ZPLD1: variants seen among roughly 807,000 people sequenced by gnomAD.
ZPLD1 encodes the protein zona pellucida like domain containing 1.
ZPLD1 carries 34 observed loss-of-function variants against 47.2 expected under a neutral mutation model. That is an observed-to-expected ratio of 0.72 (90% CI 0.55 to 0.96). The LOEUF (loss-of-function observed/expected upper bound fraction) is 0.96, where lower values mean the gene tolerates loss of function less well. ZPLD1 is among the 40% of genes least tolerant of loss of function. The pLI is 0.00. For synonymous variants in ZPLD1, 176 were observed against 186.2 expected (o/e 0.95, Z 0.45); for missense variants, 512 against 505.8 (o/e 1.01, Z -0.12).
intron 9 of ZPLD1, among the ~76,000 whole-genome samples, chr3:102,469,525 G>A (rs1707650017): frequency 6.6e-6 from 1 of 152,222 alleles, no homozygotes; most frequent in South Asian, 2.1e-4. Context: ...ATGAACTCCA[G>A]CTGTTACTTC....
rs1707207750 is a variant in ZPLD1 at position 102,443,195 on chromosome 3, A to T, written c.106+4602A>T. On this transcript the variant is annotated intron_variant, in intron 3 of 11. Transcript: ENST00000466937. The stretch of plus-strand genomic sequence containing the variant: ...AAACTTTATGGCTTGACACTGTCTT[A>T]TGGTGAACTAAGTAGTCATGGGAAA... Among the ~76,000 whole-genome samples the T allele has an allele frequency of 3.3e-5, 5 of 152,292 alleles. No homozygotes were observed. The South Asian group carries it at 1.0e-3, about 32-fold the overall frequency.
intron 3 of ZPLD1, among the ~76,000 whole-genome samples, chr3:102,452,434 A>G (rs1707352457): frequency 6.6e-6 from 1 of 152,122 alleles, no homozygotes; most frequent in Non-Finnish European, 1.5e-5. Flanking sequence ...TACAACCCAT[A>G]AGATGGGTTA....
rs1468076728 is a variant in ZPLD1, at chr3:102,477,447, T to C, written c.1077T>C (p.Ser359=). ...GGTGTGTTTTATTATTTGCAGGTTC[T>C]CCAAGTATGCCTCCCTTCCAGCTGA... is the stretch of plus-strand genomic sequence containing the variant. ...ETPTNNSQLG[S]PSMPPFQLNA... Residue 359 remains serine (S), a synonymous_variant, in exon 12 of 12, where the codon TCT becomes TCC. Coordinates refer to ENST00000466937, the MANE Select transcript of ZPLD1 (RefSeq NM_001329788.2). 6.2e-7 allele frequency: 1 copy of C among 1,611,526 alleles called. No individual in the cohort carries two copies. The highest frequency in any genetic ancestry group is 8.5e-7 in the Non-Finnish European group (1 of 1,178,992).
At chr3:102,474,557 G>A (rs950143160) in intron 10 of ZPLD1, among the ~76,000 whole-genome samples, 1 of 152,010 alleles carries the variant, frequency 6.6e-6, no homozygotes, top group African/African-American at 2.4e-5. Context: ...TTATTAATTT[G>A]AGATGTGTGG....
intron 6 of ZPLD1, among the ~76,000 whole-genome samples, chr3:102,390,244 G>A (rs189091215): frequency 6.6e-5 from 10 of 152,192 alleles, no homozygotes; most frequent in Non-Finnish European, 1.2e-4. Context: ...AACACACAGC[G>A]TGCTTTCTAC....
In ZPLD1 at chr3:102,471,845, A is replaced by AT. The variant is rs940760864; in HGVS notation, c.1042+1349dup. Among the ~76,000 whole-genome samples, 5 of 152,276 alleles carry AT rather than the reference A, an allele frequency of 3.3e-5. 1 individual carries two copies. The highest frequency in any genetic ancestry group is 3.4e-3 in the Middle Eastern group (1 of 294). The stretch of plus-strand genomic sequence containing the variant: ...TCATTTTTAAAATAAAAGTTTTAAG[A>AT]TTTTTTCTAACACTGTAGTTCTAAA... On this transcript the variant is annotated intron_variant, in intron 10 of 11. Coordinates refer to ENST00000466937, the MANE Select transcript of ZPLD1 (RefSeq NM_001329788.2).
At chr3:102,390,230 A>G (rs1365169676) in intron 6 of ZPLD1, among the ~76,000 whole-genome samples, 1 of 152,148 alleles carries the variant, frequency 6.6e-6, no homozygotes, top group Non-Finnish European at 1.5e-5. Context: ...GGCCCTAACA[A>G]ATAAACACAC....
At chr3:102,404,779 A>C (rs2107294385) in intron 7 of ZPLD1, among the ~76,000 whole-genome samples, 1 of 152,122 alleles carries the variant, frequency 6.6e-6, no homozygotes, top group Non-Finnish European at 1.5e-5. Context: ...GGACACTAGA[A>C]AGTTGTTCTC....
At chr3:102,460,239 G>T (rs1458636012) in intron 6 of ZPLD1, among the ~76,000 whole-genome samples, 1 of 151,894 alleles carries the variant, frequency 6.6e-6, no homozygotes, top group Non-Finnish European at 1.5e-5. Context: ...AACCCTTGAG[G>T]ATAATGAAAT....
chr3:102,468,004 T>C (rs1334410841), intron 8 of ZPLD1, among the ~76,000 whole-genome samples: 2 of 151,974 alleles, frequency 1.3e-5, no homozygotes, highest in Non-Finnish European at 2.9e-5. Flanking sequence ...CACAACAGAA[T>C]TGATCAAAAG....
chr3:102,469,554 GA>G (rs757383959), intron 9 of ZPLD1, among the ~76,000 whole-genome samples: 209 of 152,336 alleles, frequency 1.4e-3, no homozygotes, highest in Non-Finnish European at 2.4e-3. Context: ...CTGAACCCCA[GA>G]GAACCAAAAT....
intron 7 of ZPLD1, among the ~76,000 whole-genome samples, chr3:102,411,015 A>C (rs539919717): frequency 6.6e-6 from 1 of 151,992 alleles, no homozygotes; most frequent in African/African-American, 2.4e-5. Context: ...AATAATTTTT[A>C]AAGGACACCA....
chr3:102,476,987 C>T (rs757393365), intron 10 of ZPLD1, 25 bp from the exon 11 acceptor site: 2 of 1,612,182 alleles, frequency 1.2e-6, no homozygotes, highest in East Asian at 2.2e-5. Context: ...GATGTCACTT[C>T]TCTTTTTCTG....
At chr3:102,476,576 G>C (rs1707761133) in intron 10 of ZPLD1, among the ~76,000 whole-genome samples, 1 of 152,062 alleles carries the variant, frequency 6.6e-6, no homozygotes, top group East Asian at 1.9e-4. Flanking sequence ...TTAAAATAGA[G>C]TGGCACTAAA....
At chr3:102,405,895 T>A (rs1015608864) in intron 7 of ZPLD1, among the ~76,000 whole-genome samples, 6 of 152,038 alleles carry the variant, frequency 3.9e-5, no homozygotes, top group Non-Finnish European at 8.8e-5. Flanking sequence ...TTCTCTTTGT[T>A]AAGTGAAAGA....
At position 102,478,057 on chromosome 3, in the gene ZPLD1, T is replaced by G. The variant is rs1235196419; in HGVS notation, c.*439T>G. Reference sequence around the variant, plus strand: ...GTTGCTTTTTGTTTTAATCCGGATATTCCCAGCTTCAGGATGTGTTTTAAT... The same window carrying G: ...GTTGCTTTTTGTTTTAATCCGGATAGTCCCAGCTTCAGGATGTGTTTTAAT... On this transcript the variant is annotated 3_prime_UTR_variant, in exon 12 of 12. Transcript: ENST00000466937. 1.3e-5 allele frequency: 2 copies of G among 152,424 alleles called. No homozygotes were observed. Among genetic ancestry groups the G allele is most frequent in the Non-Finnish European group, 2.9e-5 (2 of 68,304 alleles). The allele number at this position is 152,424 out of a possible 1,614,324, so 9.4% of individuals were successfully genotyped here. A position where few individuals can be genotyped will look rare whatever the true frequency, so the allele number is the denominator to read the frequency against.
In ZPLD1 at chr3:102,468,988, C is replaced by T. The variant is rs115439464; in HGVS notation, c.786C>T (p.Thr262=). The T allele has an allele frequency of 1.2e-3, 1,900 of 1,613,696 alleles. 19 individuals carry two copies. The African/African-American group carries it at 0.022, about 19-fold the overall frequency. Residue 262 remains threonine, a synonymous_variant, in exon 9 of 12, where the codon ACC becomes ACT. Coordinates refer to ENST00000466937, the MANE Select transcript of ZPLD1 (RefSeq NM_001329788.2). The stretch of plus-strand genomic sequence containing the variant: ...GCTGTGACAAGGACCCTCAGACCAC[C>T]GTCATTGAGAATGGCCGAAGCCAGC... ...FLSCDKDPQT[T]VIENGRSQRG... is the part of the protein sequence containing the mutation.
chr3:102,463,520 G>A (rs1707541642), intron 7 of ZPLD1, among the ~76,000 whole-genome samples: 1 of 152,108 alleles, frequency 6.6e-6, no homozygotes, highest in Non-Finnish European at 1.5e-5. Context: ...CCCTTAATGT[G>A]AAATTGACAA....
chr3:102,413,795 C>A (rs1706773048), intron 7 of ZPLD1, among the ~76,000 whole-genome samples: 1 of 151,706 alleles, frequency 6.6e-6, no homozygotes, highest in South Asian at 2.1e-4. Flanking sequence ...AAGGTTTAAT[C>A]CAGTCCAAAT....
Sources: gnomAD v4.1 joint callset for allele counts (sites outside exome capture counted in the v4.1 genomes callset) on GRCh38, gnomAD v4.1.1 for gene constraint, MANE v1.5 for transcripts, NCBI Gene and HGNC (gene_info 2026-07-23, HGNC 2026-07-21) for gene names.